Variants in GALNT18 observed in about 807,000 individuals in gnomAD.
GALNT18 encodes polypeptide N-acetylgalactosaminyltransferase 18.
A neutral mutation model predicts 69.5 loss-of-function variants in GALNT18; 44 were observed. The observed-to-expected ratio is 0.63, with a 90% CI of 0.50 to 0.81. GALNT18 has a LOEUF of 0.81. GALNT18 is among the 40% of genes least tolerant of loss of function. The probability of loss-of-function intolerance (pLI) is 0.00; values close to 1 mark genes in which losing one functional copy is unlikely to be tolerated. For missense variants in GALNT18, 715 were observed against 810.0 expected, an observed-to-expected ratio of 0.88 and a Z score of 1.42; for synonymous variants, 364 against 318.2, an observed-to-expected ratio of 1.14 and a Z score of -1.53.
chr11:11,293,908 T>G (rs564905322), intron 9 of GALNT18, among the ~76,000 whole-genome samples: 1 of 148,686 alleles, frequency 6.7e-6, no homozygotes, highest in East Asian at 2.0e-4. Context: ...CAGAGTCTTG[T>G]GGGATGGGAG....
intron 6 of GALNT18, among the ~76,000 whole-genome samples, chr11:11,364,757 G>T (rs1048475671): frequency 2.6e-5 from 4 of 152,136 alleles, no homozygotes; most frequent in African/African-American, 9.7e-5. Context: ...TAGCATTGTG[G>T]CCATGGTTCT....
At chr11:11,510,387 C>A (rs1449832733) in intron 1 of GALNT18, among the ~76,000 whole-genome samples, 1 of 152,198 alleles carries the variant, frequency 6.6e-6, no homozygotes, top group East Asian at 1.9e-4. Context: ...GCTCCCTACC[C>A]TGGGTCGTCT....
chr11:11,342,514 C>G (rs1168723581), intron 6 of GALNT18, among the ~76,000 whole-genome samples: 1 of 152,192 alleles, frequency 6.6e-6, no homozygotes. Flanking sequence ...GAATGCCTTC[C>G]CTTTCACCCA....
chr11:11,444,031 G>C lies in GALNT18; in HGVS notation c.428+4713C>G, dbSNP rs972443963. On this transcript the variant is annotated intron_variant, in intron 2 of 10. Coordinates refer to ENST00000227756, the MANE Select transcript of GALNT18 (RefSeq NM_198516.3). This position sits in a 1 kb window ranked among gnomAD's most constrained non-coding sequence, Gnocchi z 4.4. Reference sequence around the variant, plus strand: ...GACATCTTTGGGAGGCCATTATTCTGCCTATCCATGAAGCCAGGACCCCCC... The same window carrying C: ...GACATCTTTGGGAGGCCATTATTCTCCCTATCCATGAAGCCAGGACCCCCC... Among the ~76,000 whole-genome samples the C allele has an allele frequency of 3.9e-5, 6 of 152,180 alleles. No individual in the cohort carries two copies. Among genetic ancestry groups the C allele is most frequent in the African/African-American group, 1.4e-4 (6 of 41,448 alleles).
At position 11,480,345 on chromosome 11, in the gene GALNT18, T is replaced by C. The variant is rs1208603154; in HGVS notation, c.236-31409A>G. On this transcript the variant is annotated intron_variant, in intron 1 of 10. Coordinates refer to ENST00000227756, the MANE Select transcript of GALNT18 (RefSeq NM_198516.3). The surrounding 1 kb of genome is among the most constrained non-coding windows in gnomAD (Gnocchi z 4.6). ...CCTCAGTCTCTGTTATTTGTTCTTT[T>C]GGGGCATCTCATTCTGAGTTCTACT... 6.6e-6 allele frequency among the ~76,000 whole-genome samples: 1 copy of C among 152,132 alleles called. No individual in the cohort carries two copies. The highest frequency in any genetic ancestry group is 1.5e-5 in the Non-Finnish European group (1 of 68,026).
intron 3 of GALNT18, among the ~76,000 whole-genome samples, chr11:11,412,879 G>A (rs970550527): frequency 6.6e-6 from 1 of 152,196 alleles, no homozygotes; most frequent in African/African-American, 2.4e-5. Flanking sequence ...GCATGTGGAA[G>A]GCTGAAGTGC....
rs1438966530 is a variant in GALNT18 at position 11,617,365 on chromosome 11, T to C, written c.235+3994A>G. On this transcript the variant is annotated intron_variant, in intron 1 of 10. Coordinates refer to ENST00000227756, the MANE Select transcript of GALNT18 (RefSeq NM_198516.3). This position sits in a 1 kb window ranked among gnomAD's most constrained non-coding sequence, Gnocchi z 4.7. ...CAAGAGTGCCCATACTCCTGTAGAGTGTCTCTAGTATACAGTTCACCACTG... is the reference window on the plus strand; with the variant it reads ...CAAGAGTGCCCATACTCCTGTAGAGCGTCTCTAGTATACAGTTCACCACTG... Among the ~76,000 whole-genome samples, 1 of 152,088 alleles carries C rather than the reference T, an allele frequency of 6.6e-6. No individual in the cohort carries two copies. Among genetic ancestry groups the C allele is most frequent in the Non-Finnish European group, 1.5e-5 (1 of 68,016 alleles).
At chr11:11,556,601 T>C (rs1423425960) in intron 1 of GALNT18, among the ~76,000 whole-genome samples, 2 of 152,392 alleles carry the variant, frequency 1.3e-5, no homozygotes, top group Admixed American at 6.5e-5. Flanking sequence ...AGTTGTGCCA[T>C]GCAGCTACAG....
At chr11:11,360,152 A>G (rs1589936618) in intron 6 of GALNT18, among the ~76,000 whole-genome samples, 1 of 152,196 alleles carries the variant, frequency 6.6e-6, no homozygotes, top group Non-Finnish European at 1.5e-5. Context: ...AAGAGTGTAC[A>G]TCATTACACC....
At chr11:11,599,199 C>T (rs1359961878) in intron 1 of GALNT18, among the ~76,000 whole-genome samples, 1 of 152,112 alleles carries the variant, frequency 6.6e-6, no homozygotes, top group East Asian at 1.9e-4. Context: ...GTATGGAAGT[C>T]TCCAACTATT....
rs1857166031 is a variant in GALNT18, at chr11:11,511,553, C to T, written c.236-62617G>A. On this transcript the variant is annotated intron_variant, in intron 1 of 10. Transcript: ENST00000227756. This position sits in a 1 kb window ranked among gnomAD's most constrained non-coding sequence, Gnocchi z 4.9. The stretch of plus-strand genomic sequence containing the variant: ...CAGAAAATCTGAGAAAAGGCTTGGA[C>T]TATCTCTCCAGAAAATGCATACATG... 6.6e-6 allele frequency among the ~76,000 whole-genome samples: 1 copy of T among 152,228 alleles called. No homozygotes were observed. The highest frequency in any genetic ancestry group is 2.4e-5 in the African/African-American group (1 of 41,462).
At chr11:11,409,718 G>A (rs1053573032) in intron 3 of GALNT18, among the ~76,000 whole-genome samples, 4 of 151,918 alleles carry the variant, frequency 2.6e-5, no homozygotes, top group African/African-American at 9.7e-5. Context: ...GTTGTCCTTG[G>A]TTCTAGCTTT....
chr11:11,437,176 C>G (rs1006851100), intron 2 of GALNT18, among the ~76,000 whole-genome samples: 2 of 152,200 alleles, frequency 1.3e-5, no homozygotes, highest in Non-Finnish European at 2.9e-5. Context: ...GGGACCAGCC[C>G]TTCCGTGTTT....
At chr11:11,560,028 G>A (rs1023667660) in intron 1 of GALNT18, among the ~76,000 whole-genome samples, 3 of 105,992 alleles carry the variant, frequency 2.8e-5, no homozygotes, top group Admixed American at 9.0e-5. Context: ...GATGGAATGG[G>A]ATAGGATAGG....
At chr11:11,322,978 A>G (rs1849862895) in intron 9 of GALNT18, among the ~76,000 whole-genome samples, 1 of 152,116 alleles carries the variant, frequency 6.6e-6, no homozygotes, top group Non-Finnish European at 1.5e-5. Context: ...AAGGACACTA[A>G]TCCTATCAGA....
At chr11:11,517,073 T>C (rs1203135162) in intron 1 of GALNT18, among the ~76,000 whole-genome samples, 1 of 152,190 alleles carries the variant, frequency 6.6e-6, no homozygotes, top group Non-Finnish European at 1.5e-5. Flanking sequence ...GAGGACACGG[T>C]GAGAAGATGG....
intron 2 of GALNT18, among the ~76,000 whole-genome samples, chr11:11,440,793 T>C (rs1171623418): frequency 6.6e-6 from 1 of 152,188 alleles, no homozygotes; most frequent in Non-Finnish European, 1.5e-5. Context: ...TGACTAAAAG[T>C]TAAATAGCAG....
chr11:11,444,046 CA>C lies in GALNT18; in HGVS notation c.428+4697del, dbSNP rs999928271. Among the ~76,000 whole-genome samples, 6 of 152,178 alleles carry C rather than the reference CA, an allele frequency of 3.9e-5. No homozygotes were observed. The highest frequency in any genetic ancestry group is 1.2e-4 in the African/African-American group (5 of 41,446). On this transcript the variant is annotated intron_variant, in intron 2 of 10. Coordinates refer to ENST00000227756, the MANE Select transcript of GALNT18 (RefSeq NM_198516.3). The surrounding 1 kb of genome is among the most constrained non-coding windows in gnomAD (Gnocchi z 4.4). ...CCATTATTCTGCCTATCCATGAAGC[CA>C]GGACCCCCCAAAGTTCAAAGATCCC... is the stretch of plus-strand genomic sequence containing the variant.
chr11:11,438,868 G>A (rs1045782431), intron 2 of GALNT18, among the ~76,000 whole-genome samples: 3 of 152,178 alleles, frequency 2.0e-5, no homozygotes, highest in African/African-American at 7.2e-5. Context: ...GCCCAACATG[G>A]TCTTCCTGTG....
Sources: allele counts gnomAD v4.1 joint callset (sites outside exome capture counted in the v4.1 genomes callset), GRCh38; gene constraint gnomAD v4.1.1; non-coding constraint Gnocchi (gnomAD v3.1); transcripts MANE v1.5; gene names NCBI Gene and HGNC (gene_info 2026-07-23, HGNC 2026-07-21).